The following AGBL4 variants were observed in gnomAD, a reference collection of about 807,000 sequenced individuals.
AGBL4 encodes the protein cytosolic carboxypeptidase 6.
Under a neutral mutation model 66.4 loss-of-function variants are expected in AGBL4, and 58 were observed. That is an observed-to-expected ratio of 0.87 (90% CI 0.71 to 1.09). AGBL4 has a LOEUF of 1.09. Ranked by LOEUF, AGBL4 falls within the 50% of genes least tolerant of loss-of-function variation. The pLI is 0.00. For missense variants in AGBL4, 579 were observed against 631.0 expected, an observed-to-expected ratio of 0.92 and a Z score of 0.88; for synonymous variants, 234 against 222.9, an observed-to-expected ratio of 1.05 and a Z score of -0.44.
intron 6 of AGBL4, among the ~76,000 whole-genome samples, chr1:48,694,644 C>T (rs572142710): frequency 3.7e-4 from 57 of 152,286 alleles, no homozygotes; most frequent in Non-Finnish European, 7.6e-4. Context: ...TCCTCTTTCC[C>T]TAATATCATG....
chr1:49,232,639 C>A (rs1650410229), intron 4 of AGBL4, among the ~76,000 whole-genome samples: 1 of 151,260 alleles, frequency 6.6e-6, no homozygotes, highest in East Asian at 2.0e-4. Context: ...GCAGAGCTTA[C>A]AGTGAGCCGA....
intron 1 of AGBL4, among the ~76,000 whole-genome samples, chr1:49,948,112 ATG>A (rs1655560841): frequency 1.2e-5 from 1 of 83,568 alleles, no homozygotes; most frequent in African/African-American, 4.7e-5. Flanking sequence ...ATATATGTAA[ATG>A]TATGTAAATA....
At chr1:48,574,023 C>T (rs369445648) in intron 11 of AGBL4, among the ~76,000 whole-genome samples, 5 of 152,214 alleles carry the variant, frequency 3.3e-5, no homozygotes, top group African/African-American at 1.2e-4. Flanking sequence ...GAACCCAGGT[C>T]AGCCTGGCTC....
intron 3 of AGBL4, among the ~76,000 whole-genome samples, chr1:49,517,447 C>G (rs1305903409): frequency 1.3e-5 from 2 of 151,722 alleles, no homozygotes; most frequent in African/African-American, 4.8e-5. Flanking sequence ...TTTTTCTCAT[C>G]CCAAGGTTTT....
At chr1:49,977,172 C>T (rs1420851628) in intron 1 of AGBL4, among the ~76,000 whole-genome samples, 25 of 152,156 alleles carry the variant, frequency 1.6e-4, no homozygotes, top group Non-Finnish European at 1.5e-5. Flanking sequence ...CCATGAGCTT[C>T]ACCTCCCTTC....
chr1:48,955,774 A>C (rs974124961), intron 5 of AGBL4, among the ~76,000 whole-genome samples: 4 of 152,210 alleles, frequency 2.6e-5, no homozygotes, highest in African/African-American at 9.6e-5. Context: ...CCGTGGCTGG[A>C]TGACCCTGGG....
At chr1:48,744,398 G>A (rs1650409177) in intron 6 of AGBL4, among the ~76,000 whole-genome samples, 1 of 152,202 alleles carries the variant, frequency 6.6e-6, no homozygotes, top group South Asian at 2.1e-4. Context: ...TGGAGCATTT[G>A]ATCTTTTCTC....
At chr1:48,647,174 T>C (rs1570120586) in intron 8 of AGBL4, among the ~76,000 whole-genome samples, 1 of 152,202 alleles carries the variant, frequency 6.6e-6, no homozygotes, top group East Asian at 1.9e-4. Flanking sequence ...CAGCATCCAT[T>C]TCCACCATGG....
intron 4 of AGBL4, among the ~76,000 whole-genome samples, chr1:49,060,832 T>G (rs1271013089): frequency 6.6e-6 from 1 of 152,224 alleles, no homozygotes; most frequent in Non-Finnish European, 1.5e-5. Context: ...TTCACTGAAC[T>G]GAGCCCCCAG....
chr1:49,590,461 C>G (rs1365905720), intron 3 of AGBL4, among the ~76,000 whole-genome samples: 1 of 150,224 alleles, frequency 6.7e-6, no homozygotes, highest in African/African-American at 2.4e-5. Flanking sequence ...TGTTCTTGAA[C>G]AGAAACAAGG....
At chr1:49,433,675 A>G (rs1297895614) in intron 3 of AGBL4, among the ~76,000 whole-genome samples, 3 of 151,114 alleles carry the variant, frequency 2.0e-5, no homozygotes, top group Non-Finnish European at 4.4e-5. Flanking sequence ...TAATGACAAA[A>G]TAAGCCGGAT....
chr1:49,653,116 G>A (rs1175261010), intron 3 of AGBL4, among the ~76,000 whole-genome samples: 1 of 152,098 alleles, frequency 6.6e-6, no homozygotes, highest in Non-Finnish European at 1.5e-5. Context: ...GTAAGGAACA[G>A]GCTGACATCT....
intron 2 of AGBL4, among the ~76,000 whole-genome samples, chr1:49,840,215 A>G (rs1447998567): frequency 6.6e-6 from 1 of 152,146 alleles, no homozygotes; most frequent in African/African-American, 2.4e-5. Context: ...GTGTGCTTCC[A>G]GGAATTTAAC....
intron 6 of AGBL4, among the ~76,000 whole-genome samples, chr1:48,798,595 T>C (rs1475349918): frequency 6.6e-6 from 1 of 152,240 alleles, no homozygotes; most frequent in African/African-American, 2.4e-5. Flanking sequence ...TAAGCCACTG[T>C]CTAGAAGAAT....
intron 2 of AGBL4, among the ~76,000 whole-genome samples, chr1:49,741,820 T>C (rs919544524): frequency 1.5e-4 from 23 of 152,304 alleles, no homozygotes; most frequent in Admixed American, 7.2e-4. Context: ...TCTCAATAGA[T>C]GCAGAAAAGG....
At chr1:49,021,057 C>T (rs1375483179) in intron 5 of AGBL4, among the ~76,000 whole-genome samples, 1 of 152,186 alleles carries the variant, frequency 6.6e-6, no homozygotes, top group Non-Finnish European at 1.5e-5. Context: ...TAAAGCCCTC[C>T]CTACCAGTGA....
At chr1:48,851,488 G>C (rs1179213945) in intron 6 of AGBL4, among the ~76,000 whole-genome samples, 6 of 152,136 alleles carry the variant, frequency 3.9e-5, no homozygotes, top group Non-Finnish European at 8.8e-5. Flanking sequence ...ATCATCAAGT[G>C]ATATGAGATG....
chr1:48,734,745 C>T (rs1439480347), intron 6 of AGBL4, among the ~76,000 whole-genome samples: 1 of 152,260 alleles, frequency 6.6e-6, no homozygotes, highest in East Asian at 1.9e-4. Context: ...CCTTCTCCAA[C>T]TACCCCAGTG....
In AGBL4 at chr1:48,818,420, T is replaced by G. The variant is rs534878315; in HGVS notation, c.634+48771A>C. On this transcript the variant is annotated intron_variant, in intron 6 of 13. Coordinates refer to ENST00000371839, the MANE Select transcript of AGBL4 (RefSeq NM_032785.4). The stretch of plus-strand genomic sequence containing the variant: ...GTTTTTGCTTTTTTGGTCTGGGAGG[T>G]TTGGGGGAGAAAACACAGGCAGATT... Among the ~76,000 whole-genome samples, 5 of 152,010 alleles carry G rather than the reference T, an allele frequency of 3.3e-5. No individual in the cohort carries two copies. In the East Asian group the frequency reaches 7.7e-4, roughly 24 times the overall value.
Sources: gnomAD v4.1 joint callset for allele counts (sites outside exome capture counted in the v4.1 genomes callset) on GRCh38, gnomAD v4.1.1 for gene constraint, MANE v1.5 for transcripts, NCBI Gene and HGNC (gene_info 2026-07-23, HGNC 2026-07-21) for gene names.